Variants in VPS13B observed in about 807,000 individuals in gnomAD.
VPS13B encodes vacuolar protein sorting 13 homolog B, also known as intermembrane lipid transfer protein VPS13B.
In VPS13B, 285 loss-of-function variants were observed where a neutral mutation model predicts 426.4. The observed-to-expected ratio is 0.67, with a 90% CI of 0.61 to 0.74. The LOEUF (loss-of-function observed/expected upper bound fraction) is 0.74. Among genes scored for constraint, VPS13B ranks in the 30% least tolerant of loss-of-function variants. The pLI, the probability that VPS13B is intolerant of heterozygous loss-of-function variation, is 0.00. For missense variants in VPS13B, 4,537 were observed against 4,782.6 expected (o/e 0.95, Z 1.51); for synonymous variants, 1,676 against 1,676.4 (o/e 1.00, Z 0.01).
chr8:99,134,731 A>C lies in VPS13B; in HGVS notation c.1302+4A>C. On this transcript the variant is annotated splice_donor_region_variant and intron_variant, in intron 9 of 61. Coordinates refer to ENST00000357162, the MANE Select transcript of VPS13B (RefSeq NM_152564.5). Reference sequence around the variant, plus strand: ...ACAAGAAGGAACTACAGTTGAGGTAATCTTTCAATATTGAACCTGTATTTT... The same window carrying C: ...ACAAGAAGGAACTACAGTTGAGGTACTCTTTCAATATTGAACCTGTATTTT... The C allele has an allele frequency of 6.3e-7, 1 of 1,590,774 alleles. No individual in the cohort carries two copies. The highest frequency in any genetic ancestry group is 8.6e-7 in the Non-Finnish European group (1 of 1,161,086).
At chr8:99,258,889 A>G (rs1253665714) in intron 17 of VPS13B, among the ~76,000 whole-genome samples, 1 of 152,060 alleles carries the variant, frequency 6.6e-6, no homozygotes, top group Non-Finnish European at 1.5e-5. Flanking sequence ...TTTTGATGGT[A>G]GAGTTTTTAC....
At chr8:99,667,761 CT>C (rs1830543959) in intron 35 of VPS13B, among the ~76,000 whole-genome samples, 1 of 152,166 alleles carries the variant, frequency 6.6e-6, no homozygotes, top group Non-Finnish European at 1.5e-5. Flanking sequence ...GATAGTGAGA[CT>C]TGCATACCAC....
At chr8:99,181,722 T>C (rs368094203) in intron 16 of VPS13B, among the ~76,000 whole-genome samples, 3 of 152,192 alleles carry the variant, frequency 2.0e-5, no homozygotes, top group Non-Finnish European at 2.9e-5. Context: ...GTCACCTTTC[T>C]CTCAAAGATT....
intron 15 of VPS13B, among the ~76,000 whole-genome samples, chr8:99,169,234 T>C (rs1402496207): frequency 6.6e-6 from 1 of 152,036 alleles, no homozygotes; most frequent in African/African-American, 2.4e-5. Context: ...CTCTTTGTTT[T>C]GTATCCATGT....
intron 16 of VPS13B, among the ~76,000 whole-genome samples, chr8:99,184,974 A>T (rs1813141619): frequency 6.6e-6 from 1 of 152,204 alleles, no homozygotes; most frequent in Non-Finnish European, 1.5e-5. Flanking sequence ...TCAGGGACAG[A>T]GCGAGACTCT....
chr8:99,433,891 C>G (rs1423032125), intron 22 of VPS13B, among the ~76,000 whole-genome samples: 6 of 152,172 alleles, frequency 3.9e-5, no homozygotes, highest in Middle Eastern at 3.4e-3. Context: ...ATTGCACCTT[C>G]GCCTCCCAGG....
chr8:99,823,020 T>G (rs1377660351), intron 50 of VPS13B, among the ~76,000 whole-genome samples: 1 of 152,184 alleles, frequency 6.6e-6, no homozygotes, highest in Non-Finnish European at 1.5e-5. Flanking sequence ...AAACCAGTGT[T>G]CTGATACTAT....
chr8:99,455,768 T>C (rs145111407), intron 23 of VPS13B, among the ~76,000 whole-genome samples: 1 of 152,348 alleles, frequency 6.6e-6, no homozygotes, highest in Non-Finnish European at 1.5e-5. Context: ...TGTAACATTT[T>C]GGTGTTCTTC....
chr8:99,527,742 T>C (rs1822722817), intron 30 of VPS13B: 1 of 152,154 alleles, frequency 6.6e-6, no homozygotes, highest in Admixed American at 6.5e-5. Context: ...TGTTTTTTCA[T>C]AGGCTGATTA....
At chr8:99,858,280 C>G (rs1248683246) in intron 56 of VPS13B, among the ~76,000 whole-genome samples, 1 of 152,250 alleles carries the variant, frequency 6.6e-6, no homozygotes, top group Non-Finnish European at 1.5e-5. Flanking sequence ...AATCCCCACC[C>G]CAGAGAGCCA....
At chr8:99,497,352 T>G (rs1820980855) in intron 25 of VPS13B, among the ~76,000 whole-genome samples, 1 of 146,010 alleles carries the variant, frequency 6.8e-6, no homozygotes, top group Admixed American at 6.9e-5. Flanking sequence ...CATATATACA[T>G]AAAATAATAT....
chr8:99,732,633 T>A (rs1487788354), intron 39 of VPS13B, among the ~76,000 whole-genome samples: 1 of 152,208 alleles, frequency 6.6e-6, no homozygotes. Flanking sequence ...ACCCACCCAG[T>A]AAACTGCTTC....
At chr8:99,424,083 T>C (rs536986997) in intron 21 of VPS13B, among the ~76,000 whole-genome samples, 1 of 152,308 alleles carries the variant, frequency 6.6e-6, no homozygotes, top group Admixed American at 6.5e-5. Context: ...TTTATGAATC[T>C]GTGTGCTCCT....
chr8:99,340,575 C>G (rs1400565817), intron 19 of VPS13B: 7 of 458,390 alleles, frequency 1.5e-5, no homozygotes, highest in Non-Finnish European at 2.6e-5. Flanking sequence ...TTATCAGGCA[C>G]AAGCTTCCAC....
At chr8:99,526,415 G>A (rs1325130964) in intron 30 of VPS13B, among the ~76,000 whole-genome samples, 1 of 152,142 alleles carries the variant, frequency 6.6e-6, no homozygotes, top group Non-Finnish European at 1.5e-5. Context: ...AAAGGCAAGG[G>A]AAAGGGAAAA....
intron 35 of VPS13B, among the ~76,000 whole-genome samples, chr8:99,683,012 A>G (rs1831218049): frequency 6.6e-6 from 1 of 152,216 alleles, no homozygotes. Flanking sequence ...TACATTTTAT[A>G]TTTAAATCCA....
At chr8:99,697,742 C>T in intron 35 of VPS13B, 7 of 625,048 alleles carry the variant, frequency 1.1e-5, no homozygotes, top group South Asian at 9.3e-5. Context: ...CTAGGGCGCG[C>T]CCGTAGGGGA....
chr8:99,368,574 A>G (rs1397876806), intron 19 of VPS13B, among the ~76,000 whole-genome samples: 2 of 152,178 alleles, frequency 1.3e-5, no homozygotes, highest in African/African-American at 4.8e-5. Context: ...CTCTAAAATA[A>G]AATATTTTTA....
At chr8:99,560,421 C>T (rs1563796701) in intron 31 of VPS13B, among the ~76,000 whole-genome samples, 1 of 152,160 alleles carries the variant, frequency 6.6e-6, no homozygotes, top group Non-Finnish European at 1.5e-5. Flanking sequence ...GCTCCTATCA[C>T]ATCACTTAAC....
Sources: allele counts gnomAD v4.1 joint callset (sites outside exome capture counted in the v4.1 genomes callset), GRCh38; gene constraint gnomAD v4.1.1; transcripts MANE v1.5; gene names NCBI Gene and HGNC (gene_info 2026-07-23, HGNC 2026-07-21).